Variants in SRGAP3 observed in about 807,000 individuals in gnomAD.
SRGAP3 encodes the protein SLIT-ROBO Rho GTPase-activating protein 3.
In SRGAP3, 39 loss-of-function variants were observed where a neutral mutation model predicts 121.1. That is an observed-to-expected ratio of 0.32 (90% confidence interval 0.25 to 0.42). The LOEUF is 0.42. SRGAP3 is among the 10% of genes least tolerant of loss of function. SRGAP3 has a pLI of 1.00. For synonymous variants in SRGAP3, 601 were observed against 570.0 expected, an observed-to-expected ratio of 1.05 and a Z score of -0.77; for missense variants, 1,213 against 1,470.6, an observed-to-expected ratio of 0.82 and a Z score of 2.86.
intron 14 of SRGAP3, among the ~76,000 whole-genome samples, chr3:9,018,523 G>A (rs966376027): frequency 6.6e-6 from 1 of 152,064 alleles, no homozygotes; most frequent in Admixed American, 6.5e-5. Flanking sequence ...ATCTGTTATT[G>A]TCTGCCTTTT....
intron 3 of SRGAP3, among the ~76,000 whole-genome samples, chr3:9,258,717 T>C (rs1468183393): frequency 6.6e-6 from 1 of 152,216 alleles, no homozygotes; most frequent in Non-Finnish European, 1.5e-5. Flanking sequence ...TATTTTCGGA[T>C]GCAGAATTGA....
chr3:9,302,763 C>G (rs1463193970), intron 3 of SRGAP3, among the ~76,000 whole-genome samples: 1 of 152,148 alleles, frequency 6.6e-6, no homozygotes, highest in Non-Finnish European at 1.5e-5. Context: ...AGAGCGCCAC[C>G]TGGCGAACCG....
intron 1 of SRGAP3, among the ~76,000 whole-genome samples, chr3:9,158,788 T>C (rs1266066330): frequency 2.6e-5 from 4 of 152,264 alleles, no homozygotes; most frequent in African/African-American, 9.6e-5. Flanking sequence ...GACTCAACAC[T>C]ACAAATCCCT....
intron 17 of SRGAP3, among the ~76,000 whole-genome samples, chr3:9,010,635 G>A (rs1943319281): frequency 6.6e-6 from 1 of 152,176 alleles, no homozygotes; most frequent in Admixed American, 6.5e-5. Context: ...AATTTGCTGA[G>A]CTGTCTTCTT....
chr3:9,275,321 A>C (rs1388474932), intron 3 of SRGAP3, among the ~76,000 whole-genome samples: 1 of 152,030 alleles, frequency 6.6e-6, no homozygotes, highest in Admixed American at 6.6e-5. Flanking sequence ...CTGTCTCAAA[A>C]CTATTCCATT....
At chr3:9,195,260 T>G (rs1036680483) in intron 1 of SRGAP3, among the ~76,000 whole-genome samples, 1 of 152,230 alleles carries the variant, frequency 6.6e-6, no homozygotes, top group African/African-American at 2.4e-5. Context: ...ATTTCCATTG[T>G]TTCAGCATTA....
intron 1 of SRGAP3, among the ~76,000 whole-genome samples, chr3:9,220,194 C>T (rs1008243585): frequency 6.6e-6 from 1 of 152,062 alleles, no homozygotes; most frequent in Non-Finnish European, 1.5e-5. Flanking sequence ...TTCAAATGTT[C>T]CCAACACAAA....
intron 17 of SRGAP3, among the ~76,000 whole-genome samples, chr3:9,011,313 G>GA (rs1165900236): frequency 5.9e-5 from 9 of 152,198 alleles, no homozygotes; most frequent in Non-Finnish European, 1.5e-5. Flanking sequence ...TCTCAAAGGA[G>GA]TTGACATTTG....
At chr3:9,188,610 T>G (rs1574837678) in intron 1 of SRGAP3, among the ~76,000 whole-genome samples, 1 of 152,196 alleles carries the variant, frequency 6.6e-6, no homozygotes, top group African/African-American at 2.4e-5. Context: ...TTTCTGATAT[T>G]TCTTGTGCTG....
intron 12 of SRGAP3, among the ~76,000 whole-genome samples, chr3:9,027,339 C>T (rs1944263590): frequency 6.6e-6 from 1 of 152,118 alleles, no homozygotes; most frequent in Non-Finnish European, 1.5e-5. Flanking sequence ...GAGTTCTCTG[C>T]CTCCCCCTCC....
chr3:9,263,976 A>G (rs1954305253), intron 3 of SRGAP3, among the ~76,000 whole-genome samples: 1 of 152,216 alleles, frequency 6.6e-6, no homozygotes, highest in Admixed American at 6.5e-5. Context: ...CCTCAATAAA[A>G]TATTGGCAAA....
At chr3:9,120,164 C>T (rs1948951106) in intron 2 of SRGAP3, among the ~76,000 whole-genome samples, 1 of 152,188 alleles carries the variant, frequency 6.6e-6, no homozygotes, top group Non-Finnish European at 1.5e-5. Flanking sequence ...ATCTTGTTCA[C>T]CACTGTAAAC....
intron 1 of SRGAP3, chr3:9,355,994 A>G (rs2125296796): frequency 6.6e-6 from 1 of 152,262 alleles, no homozygotes; most frequent in Admixed American, 6.5e-5. Context: ...GCATTAATTC[A>G]TTCATCTAGG....
intron 4 of SRGAP3, among the ~76,000 whole-genome samples, chr3:9,076,370 A>T (rs1478811670): frequency 6.6e-6 from 1 of 152,156 alleles, no homozygotes; most frequent in Admixed American, 6.5e-5. Flanking sequence ...ATATATATAA[A>T]ATACCTAATA....
At chr3:9,134,508 T>C (rs1949572308) in intron 1 of SRGAP3, among the ~76,000 whole-genome samples, 1 of 152,124 alleles carries the variant, frequency 6.6e-6, no homozygotes, top group Admixed American at 6.5e-5. Context: ...AGGCTGGTAG[T>C]ATTGCCACTC....
At chr3:9,097,988 C>T (rs1948057236) in intron 3 of SRGAP3, among the ~76,000 whole-genome samples, 1 of 152,172 alleles carries the variant, frequency 6.6e-6, no homozygotes, top group African/African-American at 2.4e-5. Flanking sequence ...TACACCCCTG[C>T]ACCGAAATAC....
chr3:9,114,739 C>G (rs1948744502), intron 2 of SRGAP3, among the ~76,000 whole-genome samples: 1 of 152,202 alleles, frequency 6.6e-6, no homozygotes, highest in Non-Finnish European at 1.5e-5. Context: ...TTTATCTGCC[C>G]ACAGAATGGG....
At chr3:9,263,495 A>G (rs1429922741) in intron 3 of SRGAP3, among the ~76,000 whole-genome samples, 1 of 152,194 alleles carries the variant, frequency 6.6e-6, no homozygotes, top group Admixed American at 6.5e-5. Flanking sequence ...AAACAAGAAA[A>G]GAGAGATGAA....
chr3:9,195,190 A>C (rs1054763778), intron 1 of SRGAP3, among the ~76,000 whole-genome samples: 1 of 152,272 alleles, frequency 6.6e-6, no homozygotes, highest in Non-Finnish European at 1.5e-5. Flanking sequence ...AATAACTGCA[A>C]GTGCACAGAT....
Sources: allele counts gnomAD v4.1 joint callset (sites outside exome capture counted in the v4.1 genomes callset), GRCh38; gene constraint gnomAD v4.1.1; transcripts MANE v1.5; gene names NCBI Gene and HGNC (gene_info 2026-07-23, HGNC 2026-07-21).